RGS7: variants seen among roughly 807,000 people sequenced by gnomAD.
RGS7 encodes regulator of G protein signaling 7.
In RGS7, 27 loss-of-function variants were observed where a neutral mutation model predicts 81.1. That is an observed-to-expected ratio of 0.33 (90% CI 0.25 to 0.46). The LOEUF (loss-of-function observed/expected upper bound fraction) is 0.46, where lower values mean the gene tolerates loss of function less well. Among genes scored for constraint, RGS7 ranks in the 20% least tolerant of loss-of-function variants. The probability of loss-of-function intolerance (pLI) is 1.00; values close to 1 mark genes in which losing one functional copy is unlikely to be tolerated. For synonymous variants in RGS7, 208 were observed against 207.7 expected (o/e 1.00, Z -0.01); for missense variants, 396 against 607.4 (o/e 0.65, Z 3.66).
intron 2 of RGS7, among the ~76,000 whole-genome samples, chr1:241,313,095 T>G (rs1170058031): frequency 6.6e-6 from 1 of 152,196 alleles, no homozygotes; most frequent in South Asian, 2.1e-4. Flanking sequence ...GGAGAAAATT[T>G]GATAGCTAGC....
At chr1:241,160,891 T>C (rs2069594886) in intron 2 of RGS7, among the ~76,000 whole-genome samples, 2 of 152,142 alleles carry the variant, frequency 1.3e-5, no homozygotes, top group South Asian at 2.1e-4. Flanking sequence ...CAAAGTGGAC[T>C]CCTGTCGCTT....
At chr1:241,097,768 T>C (rs367643260) in intron 3 of RGS7, among the ~76,000 whole-genome samples, 5 of 152,296 alleles carry the variant, frequency 3.3e-5, no homozygotes, top group Admixed American at 2.6e-4. Flanking sequence ...ATCTTATTAC[T>C]CTTCCTTGTG....
chr1:241,313,544 T>A (rs537091192), intron 2 of RGS7, among the ~76,000 whole-genome samples: 1 of 152,338 alleles, frequency 6.6e-6, no homozygotes, highest in South Asian at 2.1e-4. Context: ...CTGATGAAGA[T>A]CTATGAAAAG....
intron 2 of RGS7, among the ~76,000 whole-genome samples, chr1:241,121,839 C>T (rs992988150): frequency 1.4e-5 from 2 of 146,558 alleles, no homozygotes; most frequent in Non-Finnish European, 3.0e-5. Flanking sequence ...TCCCTAGTAG[C>T]TGGGACCTCA....
chr1:241,320,171 G>A (rs754355796), intron 2 of RGS7, among the ~76,000 whole-genome samples: 1 of 152,184 alleles, frequency 6.6e-6, no homozygotes, highest in Non-Finnish European at 1.5e-5. Flanking sequence ...TGAATTACTT[G>A]TAGTTCCCTG....
intron 6 of RGS7, among the ~76,000 whole-genome samples, chr1:240,891,654 C>T (rs949398717): frequency 1.3e-5 from 2 of 152,096 alleles, no homozygotes; most frequent in Non-Finnish European, 2.9e-5. Flanking sequence ...ATATATAATT[C>T]AGACCAACAT....
chr1:240,940,523 G>C (rs1677411111), intron 4 of RGS7, among the ~76,000 whole-genome samples: 1 of 152,136 alleles, frequency 6.6e-6, no homozygotes, highest in Non-Finnish European at 1.5e-5. Flanking sequence ...TATTATTTTA[G>C]TCCCAGCAGT....
chr1:241,202,047 C>CACACACACACACAG (rs780522041), intron 2 of RGS7, among the ~76,000 whole-genome samples: 3 of 150,270 alleles, frequency 2.0e-5, no homozygotes, highest in African/African-American at 7.4e-5. Flanking sequence ...CACACACACA[C>CACACACACACACAG]AGAGACACCC....
intron 2 of RGS7, among the ~76,000 whole-genome samples, chr1:241,168,848 A>G (rs913432329): frequency 3.3e-5 from 5 of 151,992 alleles, no homozygotes; most frequent in African/African-American, 1.2e-4. Context: ...GGCAGCAATT[A>G]CTCTCTCTCC....
chr1:241,175,647 G>A (rs2071080240), intron 2 of RGS7, among the ~76,000 whole-genome samples: 2 of 152,198 alleles, frequency 1.3e-5, no homozygotes, highest in South Asian at 2.1e-4. Context: ...TTCACAGAAA[G>A]GAGTGTGCAG....
intron 9 of RGS7, among the ~76,000 whole-genome samples, chr1:240,845,827 A>G (rs1178834338): frequency 6.6e-6 from 1 of 152,216 alleles, no homozygotes; most frequent in Admixed American, 6.5e-5. Context: ...AGAGTAATGT[A>G]TCCTGAAGAG....
chr1:241,023,384 C>G (rs2059632878), intron 3 of RGS7, among the ~76,000 whole-genome samples: 1 of 152,168 alleles, frequency 6.6e-6, no homozygotes, highest in Admixed American at 6.5e-5. Flanking sequence ...CCAGCACTGT[C>G]CTTCTCAAGG....
intron 2 of RGS7, among the ~76,000 whole-genome samples, chr1:241,270,094 A>G (rs1019032018): frequency 6.6e-6 from 1 of 152,166 alleles, no homozygotes; most frequent in Non-Finnish European, 1.5e-5. Flanking sequence ...TTTCCTTTAG[A>G]ACTCTGCTTC....
chr1:241,262,826 C>T (rs1332521977), intron 2 of RGS7, among the ~76,000 whole-genome samples: 2 of 152,006 alleles, frequency 1.3e-5, no homozygotes, highest in South Asian at 2.1e-4. Flanking sequence ...ATCAGCCAGG[C>T]GTGGTGATTC....
chr1:241,343,021 C>G (rs986591133), intron 2 of RGS7, among the ~76,000 whole-genome samples: 1 of 151,946 alleles, frequency 6.6e-6, no homozygotes, highest in Admixed American at 6.6e-5. Flanking sequence ...TCAGCACTTT[C>G]GGAGGCAGAG....
chr1:240,965,920 T>C (rs1682216758), intron 4 of RGS7, among the ~76,000 whole-genome samples: 1 of 152,168 alleles, frequency 6.6e-6, no homozygotes, highest in Admixed American at 6.5e-5. Flanking sequence ...TGGAAAGCAT[T>C]AATAAAATGC....
At chr1:240,847,647 C>A (rs1224508581) in intron 9 of RGS7, among the ~76,000 whole-genome samples, 4 of 152,150 alleles carry the variant, frequency 2.6e-5, no homozygotes, top group Non-Finnish European at 5.9e-5. Context: ...CACTGGATAT[C>A]TTTAGATTAA....
chr1:241,071,944 A>G (rs192240352), intron 3 of RGS7, among the ~76,000 whole-genome samples: 43 of 150,390 alleles, frequency 2.9e-4, no homozygotes, highest in African/African-American at 1.0e-3. Flanking sequence ...GTTGTTAATT[A>G]GAATTTTATT....
intron 3 of RGS7, among the ~76,000 whole-genome samples, chr1:241,087,888 G>A (rs1247780261): frequency 1.3e-5 from 2 of 150,402 alleles, no homozygotes; most frequent in African/African-American, 4.9e-5. Context: ...GGCAGAAGTT[G>A]CAGTGAGCTG....
Sources: gnomAD v4.1 joint callset for allele counts (sites outside exome capture counted in the v4.1 genomes callset) on GRCh38, gnomAD v4.1.1 for gene constraint, MANE v1.5 for transcripts, NCBI Gene and HGNC (gene_info 2026-07-23, HGNC 2026-07-21) for gene names.